CCDC12: variants seen among roughly 807,000 people sequenced by gnomAD.
The protein encoded by CCDC12 is coiled-coil domain containing 12.
Under a neutral mutation model 25.7 loss-of-function variants are expected in CCDC12, and 28 were observed. That is an observed-to-expected ratio of 1.09 (90% CI 0.81 to 1.50). CCDC12 has a LOEUF of 1.50. Among genes scored for constraint, CCDC12 ranks in the 40% most tolerant of loss-of-function variants. The pLI, the probability that CCDC12 is intolerant of heterozygous loss-of-function variation, is 0.00. For missense variants in CCDC12, 198 were observed against 210.0 expected, an observed-to-expected ratio of 0.94 and a Z score of 0.35; for synonymous variants, 75 against 87.7, an observed-to-expected ratio of 0.86 and a Z score of 0.81.
chr3:46,932,719 C>T (rs1304933891), intron 2 of CCDC12, among the ~76,000 whole-genome samples: 1 of 152,204 alleles, frequency 6.6e-6, no homozygotes, highest in African/African-American at 2.4e-5. Context: ...GCGTCCTCAG[C>T]GGGTTTCAGA....
At chr3:46,951,779 C>CA (rs1198903085) in intron 1 of CCDC12, among the ~76,000 whole-genome samples, 5 of 13,658 alleles carry the variant, frequency 3.7e-4, no homozygotes, top group African/African-American at 1.2e-3. Context: ...GACTCCGTCT[C>CA]AAAAAAAAAA....
intron 1 of CCDC12, among the ~76,000 whole-genome samples, chr3:46,957,576 G>A (rs552336345): frequency 6.6e-6 from 1 of 152,296 alleles, no homozygotes; most frequent in Non-Finnish European, 1.5e-5. Context: ...ACAACGAAGT[G>A]TGTGGCAGGC....
At chr3:46,926,184 G>A (rs2032949777) in intron 2 of CCDC12, among the ~76,000 whole-genome samples, 1 of 152,252 alleles carries the variant, frequency 6.6e-6, no homozygotes, top group Non-Finnish European at 1.5e-5. Context: ...GGGCGTGGCT[G>A]CCTACAGCTG....
intron 5 of CCDC12, chr3:46,923,073 G>A: frequency 2.7e-6 from 1 of 371,416 alleles, no homozygotes; most frequent in East Asian, 4.0e-5. Context: ...GAGCAGATGG[G>A]CTCTCAACCT....
At chr3:46,946,601 C>T (rs1575550382) in intron 1 of CCDC12, among the ~76,000 whole-genome samples, 1 of 152,334 alleles carries the variant, frequency 6.6e-6, no homozygotes, top group South Asian at 2.1e-4. Context: ...CCTCCAGCAC[C>T]GTGGGAGGGC....
intron 2 of CCDC12, among the ~76,000 whole-genome samples, chr3:46,925,793 G>A (rs976051660): frequency 2.0e-5 from 3 of 152,194 alleles, no homozygotes; most frequent in African/African-American, 7.2e-5. Context: ...TCCAGAGCTG[G>A]GCCAAGGACG....
chr3:46,948,345 C>T (rs144275493), intron 1 of CCDC12, among the ~76,000 whole-genome samples: 79 of 152,262 alleles, frequency 5.2e-4, no homozygotes, highest in African/African-American at 1.8e-3. Flanking sequence ...AAGCGCTGAG[C>T]GGGAGGCTGG....
chr3:46,956,291 G>A (rs542063398), intron 1 of CCDC12, among the ~76,000 whole-genome samples: 6 of 152,340 alleles, frequency 3.9e-5, no homozygotes, highest in African/African-American at 4.8e-5. Context: ...AATCTTCCAC[G>A]GTAAGACCTG....
chr3:46,939,055 A>G (rs578138088), intron 2 of CCDC12, among the ~76,000 whole-genome samples: 16 of 152,112 alleles, frequency 1.1e-4, no homozygotes, highest in Non-Finnish European at 2.4e-4. Context: ...TGTCAGCTCC[A>G]TGAGGGTAGG....
intron 2 of CCDC12, 123 bp downstream of exon 2, chr3:46,940,875 T>G (rs6804732): frequency 2.2e-6 from 2 of 929,416 alleles, no homozygotes; most frequent in Non-Finnish European, 1.8e-6. Flanking sequence ...AGGACAGCCA[T>G]GGGCAGAAAG....
chr3:46,934,367 C>T (rs554696358), intron 2 of CCDC12, among the ~76,000 whole-genome samples: 1 of 152,374 alleles, frequency 6.6e-6, no homozygotes, highest in South Asian at 2.1e-4. Flanking sequence ...GACTCTTTTC[C>T]CCACACAGGG....
chr3:46,976,744 AC>A lies in CCDC12; in HGVS notation c.-13del. On this transcript the variant is annotated 5_prime_UTR_variant, in exon 1 of 7. Transcript: ENST00000683445. ...GTAGTTGCCTCCATCTTGCCCGCGT[AC>A]GCCCCTCCTTTTCTCCCGTCTTGCA... 6.3e-7 allele frequency: 1 copy of A among 1,599,630 alleles called. No homozygotes were observed. The highest frequency in any genetic ancestry group is 1.3e-5 in the African/African-American group (1 of 74,504).
intron 1 of CCDC12, among the ~76,000 whole-genome samples, chr3:46,972,805 T>C (rs2034845015): frequency 6.8e-6 from 1 of 147,794 alleles, no homozygotes; most frequent in African/African-American, 2.5e-5. Flanking sequence ...GAAAATAAAA[T>C]AATAAGTGCT....
At chr3:46,960,259 T>A (rs982193807) in intron 1 of CCDC12, among the ~76,000 whole-genome samples, 2 of 152,064 alleles carry the variant, frequency 1.3e-5, no homozygotes, top group African/African-American at 2.4e-5. Flanking sequence ...ATAACACTTG[T>A]AACAGCCAGA....
upstream of CCDC12, among the ~76,000 whole-genome samples, chr3:46,977,884 G>C (rs932183448): frequency 1.3e-5 from 2 of 152,228 alleles, no homozygotes; most frequent in Non-Finnish European, 2.9e-5. Flanking sequence ...AGCTGCCAGA[G>C]TCTTCTTTCC....
chr3:46,929,518 G>A (rs2033116019), intron 2 of CCDC12, among the ~76,000 whole-genome samples: 1 of 152,162 alleles, frequency 6.6e-6, no homozygotes, highest in South Asian at 2.1e-4. Flanking sequence ...CAGCTGGCCA[G>A]GAAATACTGA....
chr3:46,925,066 T>C (rs913219111), intron 3 of CCDC12: 4 of 371,544 alleles, frequency 1.1e-5, no homozygotes, highest in Non-Finnish European at 2.1e-5. Flanking sequence ...GCTGAATGAC[T>C]GGCCCCTGTC....
intron 1 of CCDC12, among the ~76,000 whole-genome samples, chr3:46,968,957 C>G (rs1403385946): frequency 6.6e-6 from 1 of 152,222 alleles, no homozygotes; most frequent in Non-Finnish European, 1.5e-5. Flanking sequence ...AACTGCCACG[C>G]AAATGTTATG....
At position 46,923,607 on chromosome 3, in the gene CCDC12, C is replaced by T; in HGVS notation, c.306G>A (p.Val102=). ...ATGCCAGGGTGGTCCAGGCACTCACCACCTCCTCGATGACGGGCTCGGGCT... is the reference window on the plus strand; with the variant it reads ...ATGCCAGGGTGGTCCAGGCACTCACTACCTCCTCGATGACGGGCTCGGGCT... ...AAKPEPVIEE[V]DLANLAPRKP... Residue 102 remains valine, a splice_region_variant and synonymous_variant, in exon 4 of 7, where the codon GTG becomes GTA. Transcript: ENST00000683445. 6.2e-7 allele frequency: 1 copy of T among 1,603,028 alleles called. No homozygotes were observed. The highest frequency in any genetic ancestry group is 1.3e-5 in the African/African-American group (1 of 74,796).
Sources: gnomAD v4.1 joint callset for allele counts (sites outside exome capture counted in the v4.1 genomes callset) on GRCh38, gnomAD v4.1.1 for gene constraint, MANE v1.5 for transcripts, NCBI Gene and HGNC (gene_info 2026-07-23, HGNC 2026-07-21) for gene names.